FOXRED1: variants seen among roughly 807,000 people sequenced by gnomAD.
FOXRED1 encodes the protein FAD dependent oxidoreductase domain containing 1.
Under a neutral mutation model 57.8 loss-of-function variants are expected in FOXRED1, and 52 were observed. The observed-to-expected ratio is 0.90, with a 90% CI of 0.72 to 1.13. FOXRED1 has a LOEUF of 1.13. Among genes scored for constraint, FOXRED1 ranks in the 50% most tolerant of loss-of-function variants. FOXRED1 has a pLI of 0.00. For synonymous variants in FOXRED1, 271 were observed against 248.3 expected, an observed-to-expected ratio of 1.09 and a Z score of -0.86; for missense variants, 589 against 625.2, an observed-to-expected ratio of 0.94 and a Z score of 0.62.
At chr11:126,270,145 A>G (rs1237502887) in intron 1 of FOXRED1, among the ~76,000 whole-genome samples, 1 of 152,216 alleles carries the variant, frequency 6.6e-6, no homozygotes, top group Non-Finnish European at 1.5e-5. Flanking sequence ...CAGTCTCTAA[A>G]TAACTGAGTG....
chr11:126,273,833 C>T lies in FOXRED1; in HGVS notation c.536+379C>T, dbSNP rs923631311. The T allele has an allele frequency of 3.3e-6, 1 of 303,290 alleles. No individual in the cohort carries two copies. Among genetic ancestry groups the T allele is most frequent in the African/African-American group, 2.2e-5 (1 of 46,238 alleles). 18.8% of individuals were successfully genotyped at this position (303,290 alleles called of 1,614,324 possible). On this transcript the variant is annotated intron_variant, in intron 4 of 10. Transcript: ENST00000263578. This position sits in a 1 kb window ranked among gnomAD's most constrained non-coding sequence, Gnocchi z 5.9. ...TATATTTTAGGTTTTGCTGGCCATA[C>T]AGTCTCTATTCCAACCACTTTGCTA...
In FOXRED1 at chr11:126,276,143, G is replaced by C. The variant is rs773431898; in HGVS notation, c.895G>C (p.Ala299Pro). 1.2e-6 allele frequency: 2 copies of C among 1,612,130 alleles called. No individual in the cohort carries two copies. The highest frequency in any genetic ancestry group is 1.7e-6 in the Non-Finnish European group (2 of 1,179,704). ...AGCCGGAGCCTGGTCTGCGCAAATCGCAGCACTGGCTGGTGTTGGAGAGGG... is the reference window on the plus strand; with the variant it reads ...AGCCGGAGCCTGGTCTGCGCAAATCCCAGCACTGGCTGGTGTTGGAGAGGG... The part of the protein sequence containing the change: ...NAAGAWSAQI[A>P]ALAGVGEGPP... Residue 299 changes from alanine to proline, a missense_variant, in exon 8 of 11, where the codon GCA (alanine) becomes CCA (proline). Ala to Pro is a conservative substitution (Grantham distance 27). Transcript: ENST00000263578.
At position 126,277,875 on chromosome 11, in the gene FOXRED1, C is replaced by T; in HGVS notation, c.*186C>T. The T allele has an allele frequency of 4.2e-6, 3 of 713,606 alleles. No individual in the cohort carries two copies. Among genetic ancestry groups the T allele is most frequent in the Non-Finnish European group, 5.0e-6 (2 of 397,276 alleles). 44.2% of individuals were successfully genotyped at this position (713,606 alleles called of 1,614,324 possible). A position where few individuals can be genotyped will look rare whatever the true frequency, so the allele number is the denominator to read the frequency against. On this transcript the variant is annotated 3_prime_UTR_variant, in exon 11 of 11. Coordinates refer to ENST00000263578, the MANE Select transcript of FOXRED1 (RefSeq NM_017547.4). This position sits in a 1 kb window ranked among gnomAD's most constrained non-coding sequence, Gnocchi z 6.8. ...CAGGCAGTGAGGCCGAGGCCAATAG[C>T]GAGTGATGAGCGGGATCCTAGGACT...
At position 126,271,555 on chromosome 11, in the gene FOXRED1, C is replaced by A; in HGVS notation, c.204C>A (p.Ile68=). 1 of 1,614,160 alleles carries A rather than the reference C, an allele frequency of 6.2e-7. No homozygotes were observed. The highest frequency in any genetic ancestry group is 8.5e-7 in the Non-Finnish European group (1 of 1,180,032). ...CTCCCGAGCACTCGGATGTGGTGAT[C>A]GTGGGAGGTGGGGTGCTTGGCTTGT... ...HLPPEHSDVV[I]VGGGVLGLSV... The change falls in exon 2 of 11, where the codon ATC becomes ATA. Residue 68 remains isoleucine, a synonymous_variant. Coordinates refer to ENST00000263578, the MANE Select transcript of FOXRED1 (RefSeq NM_017547.4). This position sits in a 1 kb window ranked among gnomAD's most constrained non-coding sequence, Gnocchi z 5.3.
chr11:126,275,288 C>T lies in FOXRED1; in HGVS notation c.632-39C>T. 1 of 1,407,392 alleles carries T rather than the reference C, an allele frequency of 7.1e-7. No individual in the cohort carries two copies. Among genetic ancestry groups the T allele is most frequent in the East Asian group, 2.3e-5 (1 of 43,954 alleles). The allele number at this position is 1,407,392 out of a possible 1,614,324, so 87.2% of individuals were successfully genotyped here. ...GGAAATACAATCCAAGAGCAGAAGT[C>T]CTCATCCCTCTTTGTGAGTTCTCTT... On this transcript the variant is annotated intron_variant, in intron 5 of 10. Coordinates refer to ENST00000263578, the MANE Select transcript of FOXRED1 (RefSeq NM_017547.4). The surrounding 1 kb of genome is among the most constrained non-coding windows in gnomAD (Gnocchi z 5.9).
At position 126,276,596 on chromosome 11, in the gene FOXRED1, C is replaced by A. The variant is rs1453680667; in HGVS notation, c.1101+73C>A. On this transcript the variant is annotated intron_variant, in intron 9 of 10. Transcript: ENST00000263578. Reference sequence around the variant, plus strand: ...TGTCACGAAACAATCAGGCTTTTGGCCAGGCACAGTAGCTCATGCCTGTAA... The same window carrying A: ...TGTCACGAAACAATCAGGCTTTTGGACAGGCACAGTAGCTCATGCCTGTAA... The A allele has an allele frequency of 2.6e-6, 4 of 1,524,998 alleles. No homozygotes were observed. In the African/African-American group the frequency reaches 4.1e-5, roughly 16 times the overall value. The allele number at this position is 1,524,998 out of a possible 1,614,324, so 94.5% of individuals were successfully genotyped here. A position where few individuals can be genotyped will look rare whatever the true frequency, so the allele number is the denominator to read the frequency against.
Position 126,275,258 on chromosome 11 carries a change from G to A in FOXRED1, c.632-69G>A, listed in dbSNP as rs1951097443. 1.7e-6 allele frequency: 2 copies of A among 1,188,876 alleles called. No homozygotes were observed. Among genetic ancestry groups the A allele is most frequent in the South Asian group, 1.2e-5 (1 of 82,218 alleles). 73.6% of individuals were successfully genotyped at this position (1,188,876 alleles called of 1,614,324 possible). ...ACAAGCCCTAGAGAGGGGTTGGGGG[G>A]CACAGGAAATACAATCCAAGAGCAG... is the stretch of plus-strand genomic sequence containing the variant. On this transcript the variant is annotated intron_variant, in intron 5 of 10. Coordinates refer to ENST00000263578, the MANE Select transcript of FOXRED1 (RefSeq NM_017547.4). The surrounding 1 kb of genome is among the most constrained non-coding windows in gnomAD (Gnocchi z 5.9).
chr11:126,269,312 G>GGGTA, intron 1 of FOXRED1, 21 bp downstream of exon 1: 5 of 1,614,100 alleles, frequency 3.1e-6, no homozygotes, highest in Non-Finnish European at 4.2e-6. Context: ...GGACGACAGA[G>GGGTA]GGTATTGTGG....
chr11:126,273,517 C>A lies in FOXRED1; in HGVS notation c.536+63C>A. 9.2e-7 allele frequency: 1 copy of A among 1,087,512 alleles called. No homozygotes were observed. The highest frequency in any genetic ancestry group is 1.4e-6 in the Non-Finnish European group (1 of 701,164). 67.4% of individuals were successfully genotyped at this position (1,087,512 alleles called of 1,614,324 possible). ...CAAAGGTGTTGGGTGACTCCTGCAC[C>A]AGGTTAGGAAGCGAGAAAGTGGAGT... On this transcript the variant is annotated intron_variant, in intron 4 of 10. Transcript: ENST00000263578. This position sits in a 1 kb window ranked among gnomAD's most constrained non-coding sequence, Gnocchi z 5.9.
rs550072006 is a variant in FOXRED1 at position 126,271,474 on chromosome 11, C to G, written c.123C>G (p.Ile41Met). Residue 41 changes from isoleucine to methionine, a missense_variant, in exon 2 of 11, where the codon ATC becomes ATG. Transcript: ENST00000263578. The surrounding 1 kb of genome is among the most constrained non-coding windows in gnomAD (Gnocchi z 5.3). The stretch of plus-strand genomic sequence containing the variant: ...AGGTGTCTGAGATTAAGAAGAAGAT[C>G]AAGTCGATCCTGCCTGGAAGGTCCT... ...DGKVSEIKKK[I>M]KSILPGRSCD... 1.2e-6 allele frequency: 2 copies of G among 1,614,012 alleles called. No individual in the cohort carries two copies. Among genetic ancestry groups the G allele is most frequent in the Admixed American group, 3.3e-5 (2 of 60,014 alleles).
Position 126,274,903 on chromosome 11 carries a change from C to T in FOXRED1, c.537-24C>T. On this transcript the variant is annotated intron_variant, in intron 4 of 10. Transcript: ENST00000263578. The surrounding 1 kb of genome is among the most constrained non-coding windows in gnomAD (Gnocchi z 4.8). ...CACACTCCCCTCTCTGACACACATA[C>T]ACCGACCCACACGTTTATCTCAGGC... The T allele has an allele frequency of 1.4e-6, 2 of 1,428,420 alleles. No individual in the cohort carries two copies. The highest frequency in any genetic ancestry group is 2.0e-6 in the Non-Finnish European group (2 of 1,010,390). The allele number at this position is 1,428,420 out of a possible 1,614,324, so 88.5% of individuals were successfully genotyped here.
chr11:126,276,390 G>A lies in FOXRED1; in HGVS notation c.972-4G>A. On this transcript the variant is annotated splice_region_variant and splice_polypyrimidine_tract_variant and intron_variant, in intron 8 of 10. Transcript: ENST00000263578. ...GCAGTTCGTAACCGCACTGGTTGTG[G>A]CAGGTATGTGTATGTGTGGCACTGC... is the stretch of plus-strand genomic sequence containing the variant. 1 of 1,272,024 alleles carries A rather than the reference G, an allele frequency of 7.9e-7. No individual in the cohort carries two copies. The highest frequency in any genetic ancestry group is 1.0e-6 in the Non-Finnish European group (1 of 982,578). The allele number at this position is 1,272,024 out of a possible 1,614,324, so 78.8% of individuals were successfully genotyped here.
At position 126,271,348 on chromosome 11, in the gene FOXRED1, T is replaced by C; in HGVS notation, c.86-89T>C. The C allele has an allele frequency of 1.1e-6, 1 of 937,320 alleles. No individual in the cohort carries two copies. Among genetic ancestry groups the C allele is most frequent in the Middle Eastern group, 2.4e-4 (1 of 4,126 alleles). The allele number at this position is 937,320 out of a possible 1,614,324, so 58.1% of individuals were successfully genotyped here. A position where few individuals can be genotyped will look rare whatever the true frequency, so the allele number is the denominator to read the frequency against. On this transcript the variant is annotated intron_variant, in intron 1 of 10. Transcript: ENST00000263578. This position sits in a 1 kb window ranked among gnomAD's most constrained non-coding sequence, Gnocchi z 5.3. The stretch of plus-strand genomic sequence containing the variant: ...GGGACTGCCAACTCATGTGTCTGTT[T>C]AGCTCACCTTTTCCTGTGCCCATCC...
In FOXRED1 at chr11:126,274,848, T is replaced by A; in HGVS notation, c.537-79T>A. 1.2e-6 allele frequency: 1 copy of A among 851,140 alleles called. No individual in the cohort carries two copies. The highest frequency in any genetic ancestry group is 1.3e-5 in the South Asian group (1 of 75,762). The allele number at this position is 851,140 out of a possible 1,614,324, so 52.7% of individuals were successfully genotyped here. A position where few individuals can be genotyped will look rare whatever the true frequency, so the allele number is the denominator to read the frequency against. On this transcript the variant is annotated intron_variant, in intron 4 of 10. Coordinates refer to ENST00000263578, the MANE Select transcript of FOXRED1 (RefSeq NM_017547.4). This position sits in a 1 kb window ranked among gnomAD's most constrained non-coding sequence, Gnocchi z 4.8. ...ATGACTGAGCTGGACTCCCCACTTG[T>A]GGAGTTGGGGTCCATACATCATCCC...
At position 126,270,473 on chromosome 11, in the gene FOXRED1, A is replaced by G. The variant is rs77374151; in HGVS notation, c.86-964A>G. ...TACAAACTGCAGTTGTGTCCAAGAG[A>G]TCATGTAGAGTTTGACCTGGTCTGG... On this transcript the variant is annotated intron_variant, in intron 1 of 10. Coordinates refer to ENST00000263578, the MANE Select transcript of FOXRED1 (RefSeq NM_017547.4). Among the ~76,000 whole-genome samples, 1,176 of 152,338 alleles carry G rather than the reference A, an allele frequency of 7.7e-3. 13 individuals carry two copies. Among genetic ancestry groups the G allele is most frequent in the African/African-American group, 0.025 (1,037 of 41,576 alleles).
intron 1 of FOXRED1, 72 bp downstream of exon 1, chr11:126,269,363 A>G (rs1297928174): frequency 1.9e-6 from 3 of 1,611,960 alleles, no homozygotes; most frequent in African/African-American, 2.7e-5. Context: ...GTCCTTCAGG[A>G]CCCGAAACCA....
At position 126,273,234 on chromosome 11, in the gene FOXRED1, G is replaced by A. The variant is rs1370095693; in HGVS notation, c.418-102G>A. On this transcript the variant is annotated intron_variant, in intron 3 of 10. Transcript: ENST00000263578. The surrounding 1 kb of genome is among the most constrained non-coding windows in gnomAD (Gnocchi z 5.9). The stretch of plus-strand genomic sequence containing the variant: ...CTTCTTCCTAGTGGTGGTGCCGCAG[G>A]TCTGGGGCACTGAGCCTGGGGAGCT... 2.0e-6 allele frequency: 2 copies of A among 1,020,616 alleles called. No individual in the cohort carries two copies. Among genetic ancestry groups the A allele is most frequent in the African/African-American group, 1.6e-5 (1 of 63,666 alleles). 63.2% of individuals were successfully genotyped at this position (1,020,616 alleles called of 1,614,324 possible). A position where few individuals can be genotyped will look rare whatever the true frequency, so the allele number is the denominator to read the frequency against.
Position 126,271,509 on chromosome 11 carries a change from T to C in FOXRED1, c.158T>C (p.Leu53Pro). ...SILPGRSCDL[L>P]QDTSHLPPEH... ...CTGCCTGGAAGGTCCTGTGATCTAC[T>C]GCAAGACACCAGCCACCTGCCTCCC... is the stretch of plus-strand genomic sequence containing the variant. Residue 53 changes from leucine to proline, a missense_variant, in exon 2 of 11, where the codon CTG becomes CCG. Coordinates refer to ENST00000263578, the MANE Select transcript of FOXRED1 (RefSeq NM_017547.4). This position sits in a 1 kb window ranked among gnomAD's most constrained non-coding sequence, Gnocchi z 5.3. The C allele has an allele frequency of 6.2e-7, 1 of 1,614,232 alleles. No homozygotes were observed. The highest frequency in any genetic ancestry group is 8.5e-7 in the Non-Finnish European group (1 of 1,180,026).
intron 1 of FOXRED1, chr11:126,269,500 A>G: frequency 2.4e-6 from 2 of 833,638 alleles, no homozygotes; most frequent in Non-Finnish European, 4.0e-6. Context: ...GTCTCACATC[A>G]TTCTCCATTT....
Sources: allele counts gnomAD v4.1 joint callset (sites outside exome capture counted in the v4.1 genomes callset), GRCh38; gene constraint gnomAD v4.1.1; non-coding constraint Gnocchi (gnomAD v3.1); transcripts MANE v1.5; gene names NCBI Gene and HGNC (gene_info 2026-07-23, HGNC 2026-07-21).